CCDC60: variants seen among roughly 807,000 people sequenced by gnomAD.
CCDC60 encodes coiled-coil domain-containing protein 60.
A neutral mutation model predicts 63.5 loss-of-function variants in CCDC60; 54 were observed. The observed-to-expected ratio is 0.85, with a 90% CI of 0.68 to 1.07. The LOEUF is 1.07. CCDC60 is among the 50% of genes least tolerant of loss of function. CCDC60 has a pLI of 0.00. For missense variants in CCDC60, 651 were observed against 684.3 expected (o/e 0.95, Z 0.54); for synonymous variants, 206 against 238.8 (o/e 0.86, Z 1.27).
intron 1 of CCDC60, among the ~76,000 whole-genome samples, chr12:119,424,822 G>T (rs1158117935): frequency 2.0e-5 from 3 of 151,954 alleles, no homozygotes; most frequent in Non-Finnish European, 2.9e-5. Flanking sequence ...ATTATACTTT[G>T]ACAGAAATGG....
At chr12:119,374,728 G>A (rs1955933728) in intron 1 of CCDC60, among the ~76,000 whole-genome samples, 1 of 152,190 alleles carries the variant, frequency 6.6e-6, no homozygotes, top group Non-Finnish European at 1.5e-5. Flanking sequence ...GTTAGTTCTT[G>A]ATTATATGCT....
In CCDC60 at chr12:119,436,768, C is replaced by T. The variant is rs543771915; in HGVS notation, c.170+8006C>T. ...GCCAGGCTGGTCTTGAACTCCTGAC[C>T]TCAGGTGATCTACCTGCCTCGGCCT... is the stretch of plus-strand genomic sequence containing the variant. On this transcript the variant is annotated intron_variant, in intron 2 of 13. Transcript: ENST00000327554. 1.6e-4 allele frequency among the ~76,000 whole-genome samples: 25 copies of T among 152,282 alleles called. No homozygotes were observed. The South Asian group carries it at 5.2e-3, about 32-fold the overall frequency.
At chr12:119,433,744 T>C in intron 2 of CCDC60, 1 of 613,014 alleles carries the variant, frequency 1.6e-6, no homozygotes, top group Non-Finnish European at 2.9e-6. Context: ...TTTTGTTTAA[T>C]ATTTTAGCCC....
intron 13 of CCDC60, 34 bp downstream of exon 13, chr12:119,531,097 C>G (rs775084874): frequency 6.4e-7 from 1 of 1,574,408 alleles, no homozygotes; most frequent in Non-Finnish European, 8.7e-7. Flanking sequence ...CACAGTGTTT[C>G]AGGTGTCCTC....
At chr12:119,360,992 C>T (rs555550353) in intron 1 of CCDC60, among the ~76,000 whole-genome samples, 25 of 152,188 alleles carry the variant, frequency 1.6e-4, no homozygotes, top group African/African-American at 5.3e-4. Flanking sequence ...GAAAACCAGT[C>T]AGGCGTGGCG....
chr12:119,515,426 T>G (rs896200217), intron 7 of CCDC60, among the ~76,000 whole-genome samples: 1 of 152,142 alleles, frequency 6.6e-6, no homozygotes, highest in Non-Finnish European at 1.5e-5. Flanking sequence ...GCTCAGGTGA[T>G]TCTCCCACCT....
chr12:119,345,878 C>G (rs566334610), intron 1 of CCDC60, among the ~76,000 whole-genome samples: 4 of 151,662 alleles, frequency 2.6e-5, no homozygotes, highest in Non-Finnish European at 4.4e-5. Flanking sequence ...AGTGCAGTGG[C>G]GCGATCTCAG....
chr12:119,506,072 A>G (rs1409712548), intron 7 of CCDC60, among the ~76,000 whole-genome samples: 2 of 152,176 alleles, frequency 1.3e-5, no homozygotes, highest in Non-Finnish European at 2.9e-5. Context: ...GATTTTTAGT[A>G]AACTTGGAGT....
intron 8 of CCDC60, among the ~76,000 whole-genome samples, 168 bp downstream of exon 8, chr12:119,516,875 A>G (rs1952368960): frequency 2.6e-5 from 4 of 152,184 alleles, no homozygotes; most frequent in African/African-American, 4.8e-5. Context: ...GGTAGGTACT[A>G]TTATCTTTAT....
At chr12:119,407,448 C>G (rs1956514617) in intron 1 of CCDC60, among the ~76,000 whole-genome samples, 1 of 152,196 alleles carries the variant, frequency 6.6e-6, no homozygotes, top group African/African-American at 2.4e-5. Flanking sequence ...AGGAGGATCA[C>G]TTGAGCCCGA....
At chr12:119,355,914 GA>G (rs1340481493) in intron 1 of CCDC60, among the ~76,000 whole-genome samples, 3 of 152,142 alleles carry the variant, frequency 2.0e-5, no homozygotes, top group Non-Finnish European at 4.4e-5. Flanking sequence ...ATGTGGCTCA[GA>G]AAAAACTGCT....
chr12:119,447,763 C>T (rs1950567199), intron 2 of CCDC60: 1 of 152,322 alleles, frequency 6.6e-6, no homozygotes, highest in Non-Finnish European at 1.5e-5. Context: ...GGGTAGCTGC[C>T]TGGGTGCTGA....
chr12:119,357,641 A>G (rs60118316), intron 1 of CCDC60, among the ~76,000 whole-genome samples: 2,068 of 152,210 alleles, frequency 0.014, 42 homozygotes, highest in African/African-American at 0.047. Context: ...TTTAGTAGAT[A>G]CAGTTTTTCT....
intron 1 of CCDC60, among the ~76,000 whole-genome samples, chr12:119,404,251 C>G (rs1263863565): frequency 6.6e-6 from 1 of 152,204 alleles, no homozygotes; most frequent in Non-Finnish European, 1.5e-5. Flanking sequence ...GATCACGCCA[C>G]TGCACTCCAG....
At chr12:119,368,135 AAGAAG>A (rs1273102304) in intron 1 of CCDC60, among the ~76,000 whole-genome samples, 1 of 136,600 alleles carries the variant, frequency 7.3e-6, no homozygotes, top group African/African-American at 2.7e-5. Context: ...AGGAAGAAGG[AAGAAG>A]AGAGGAGAAG....
At chr12:119,367,894 A>G (rs985433442) in intron 1 of CCDC60, among the ~76,000 whole-genome samples, 1 of 145,262 alleles carries the variant, frequency 6.9e-6, no homozygotes, top group Non-Finnish European at 1.6e-5. Context: ...GGGGTAATAT[A>G]TAAAGGGGTT....
At chr12:119,434,144 C>T (rs1442701519) in intron 2 of CCDC60, among the ~76,000 whole-genome samples, 1 of 152,244 alleles carries the variant, frequency 6.6e-6, no homozygotes, top group African/African-American at 2.4e-5. Flanking sequence ...CTCTCCCCTA[C>T]CCCCAGCAGG....
intron 1 of CCDC60, among the ~76,000 whole-genome samples, chr12:119,412,900 A>G (rs7308815): frequency 0.015 from 2,318 of 152,214 alleles, 49 homozygotes; most frequent in African/African-American, 0.052. Context: ...CACTCCAGAC[A>G]GAATGACTAC....
chr12:119,513,146 G>A (rs1410053726), intron 7 of CCDC60, among the ~76,000 whole-genome samples: 2 of 152,134 alleles, frequency 1.3e-5, no homozygotes, highest in Admixed American at 6.5e-5. Context: ...CAGATTCCAC[G>A]TTAGGGAGTG....
Sources: gnomAD v4.1 joint callset for allele counts (sites outside exome capture counted in the v4.1 genomes callset) on GRCh38, gnomAD v4.1.1 for gene constraint, MANE v1.5 for transcripts, NCBI Gene and HGNC (gene_info 2026-07-23, HGNC 2026-07-21) for gene names.